Variants in SPAG16 observed in about 807,000 individuals in gnomAD.
The protein encoded by SPAG16 is sperm-associated antigen 16 protein.
SPAG16 carries 86 observed loss-of-function variants against 80.4 expected under a neutral mutation model. The observed-to-expected ratio is 1.07, with a 90% CI of 0.90 to 1.28. The LOEUF is 1.28. Ranked by LOEUF, SPAG16 falls within the 50% of genes most tolerant of loss-of-function variation. The probability of loss-of-function intolerance (pLI) is 0.00; values close to 1 mark genes in which losing one functional copy is unlikely to be tolerated. For missense variants in SPAG16, 870 were observed against 765.3 expected (o/e 1.14, Z -1.61); for synonymous variants, 294 against 265.9 (o/e 1.11, Z -1.03).
chr2:214,038,931 C>A (rs933191509), intron 13 of SPAG16, among the ~76,000 whole-genome samples: 32 of 152,104 alleles, frequency 2.1e-4, no homozygotes, highest in African/African-American at 7.0e-4. Flanking sequence ...TTTTCTTAAT[C>A]CAGTCTATCA....
intron 12 of SPAG16, among the ~76,000 whole-genome samples, chr2:214,013,037 A>T (rs1321113666): frequency 6.6e-6 from 1 of 152,162 alleles, no homozygotes; most frequent in Non-Finnish European, 1.5e-5. Flanking sequence ...AAAAAATTTT[A>T]AAAACCACTG....
intron 1 of SPAG16, 145 bp downstream of exon 1, chr2:213,284,764 C>G: frequency 1.7e-6 from 2 of 1,171,062 alleles, no homozygotes; most frequent in Non-Finnish European, 2.3e-6. Flanking sequence ...GCTGTTTTTG[C>G]CACCACAGTC....
intron 10 of SPAG16, among the ~76,000 whole-genome samples, chr2:213,718,163 A>AAG (rs2066326266): frequency 6.6e-6 from 1 of 151,016 alleles, no homozygotes; most frequent in South Asian, 2.1e-4. Flanking sequence ...AAAAAAAAAA[A>AAG]AAAAAAGAAA....
intron 9 of SPAG16, among the ~76,000 whole-genome samples, chr2:213,470,453 G>A (rs759614722): frequency 1.3e-5 from 2 of 152,304 alleles, no homozygotes; most frequent in African/African-American, 2.4e-5. Flanking sequence ...GAGTAAGTGT[G>A]TATTCCACTG....
At chr2:214,033,294 T>A (rs4672702) in intron 13 of SPAG16, among the ~76,000 whole-genome samples, 145,523 of 152,294 alleles carry the variant, frequency 0.96, 69,713 homozygotes, top group Non-Finnish European at 0.99. Flanking sequence ...TTGCTTGAGA[T>A]ATTTATAGTT....
At chr2:214,061,204 G>A (rs2050240260) in intron 13 of SPAG16, among the ~76,000 whole-genome samples, 1 of 152,122 alleles carries the variant, frequency 6.6e-6, no homozygotes, top group South Asian at 2.1e-4. Flanking sequence ...CATAAAGCTT[G>A]GAAAGAACAT....
chr2:214,075,827 CTAAAG>C (rs921929825), intron 13 of SPAG16, among the ~76,000 whole-genome samples: 2 of 152,200 alleles, frequency 1.3e-5, no homozygotes, highest in African/African-American at 4.8e-5. Context: ...ATTCTTATAT[CTAAAG>C]TAAGGATGAA....
intron 11 of SPAG16, among the ~76,000 whole-genome samples, chr2:213,896,599 C>T (rs754577459): frequency 0.22 from 31,304 of 141,980 alleles, 4,504 homozygotes; most frequent in South Asian, 0.35. Context: ...CACGCACACA[C>T]ACACACACAC....
At chr2:213,362,208 A>C (rs189265796) in intron 7 of SPAG16, among the ~76,000 whole-genome samples, 91 of 152,348 alleles carry the variant, frequency 6.0e-4, no homozygotes, top group African/African-American at 2.0e-3. Flanking sequence ...CTTCTGAAAC[A>C]ATTTGAGCAA....
At chr2:213,505,274 G>T (rs1240311790) in intron 10 of SPAG16, among the ~76,000 whole-genome samples, 1 of 152,094 alleles carries the variant, frequency 6.6e-6, no homozygotes, top group Non-Finnish European at 1.5e-5. Flanking sequence ...ACTAGCTGCA[G>T]TTGAAATGAA....
At chr2:213,409,053 G>C (rs2068816568) in intron 9 of SPAG16, among the ~76,000 whole-genome samples, 1 of 151,656 alleles carries the variant, frequency 6.6e-6, no homozygotes, top group Admixed American at 6.6e-5. Flanking sequence ...AAAAAGTGGG[G>C]TGGGAGAATT....
At chr2:213,771,459 A>G (rs1471447104) in intron 10 of SPAG16, among the ~76,000 whole-genome samples, 1 of 152,044 alleles carries the variant, frequency 6.6e-6, no homozygotes, top group African/African-American at 2.4e-5. Context: ...TTTTTTAATT[A>G]GATCCCATTT....
intron 12 of SPAG16, among the ~76,000 whole-genome samples, chr2:213,983,052 T>C (rs1461427121): frequency 6.6e-6 from 1 of 151,980 alleles, no homozygotes; most frequent in Non-Finnish European, 1.5e-5. Context: ...TTCAATACTT[T>C]TGGGAGCAAT....
At chr2:214,204,368 A>C (rs559416609) in intron 15 of SPAG16, among the ~76,000 whole-genome samples, 1 of 152,306 alleles carries the variant, frequency 6.6e-6, no homozygotes, top group Non-Finnish European at 1.5e-5. Context: ...CTGAAAGCCA[A>C]CCAACACAAA....
rs1319857187 is a variant in SPAG16 at position 213,865,925 on chromosome 2, A to G, written c.1214+3297A>G. Among the ~76,000 whole-genome samples the G allele has an allele frequency of 2.7e-5, 4 of 145,656 alleles. No individual in the cohort carries two copies. In the East Asian group the frequency reaches 7.8e-4, roughly 28 times the overall value. Reference sequence around the variant, plus strand: ...TACTATATACACAGAAACTTATATTATATATATATACTATATATATATGTG... The same window carrying G: ...TACTATATACACAGAAACTTATATTGTATATATATACTATATATATATGTG... On this transcript the variant is annotated intron_variant, in intron 11 of 15. Transcript: ENST00000331683.
chr2:213,495,289 T>A (rs2074433254), intron 10 of SPAG16, among the ~76,000 whole-genome samples: 1 of 152,268 alleles, frequency 6.6e-6, no homozygotes, highest in African/African-American at 2.4e-5. Context: ...GATTCACTGT[T>A]GACTTTGAAA....
intron 10 of SPAG16, among the ~76,000 whole-genome samples, chr2:213,712,591 G>A (rs1427660866): frequency 2.0e-5 from 3 of 152,134 alleles, no homozygotes; most frequent in Admixed American, 1.3e-4. Context: ...TCTGGTATTT[G>A]AAAGATATAA....
chr2:213,308,820 G>T (rs2063060641), intron 3 of SPAG16, among the ~76,000 whole-genome samples: 2 of 152,082 alleles, frequency 1.3e-5, no homozygotes, highest in African/African-American at 4.8e-5. Context: ...TGAAGAAGCA[G>T]AAGTTGCAGC....
chr2:213,975,084 A>G (rs1269340608), intron 12 of SPAG16, among the ~76,000 whole-genome samples: 3 of 151,416 alleles, frequency 2.0e-5, no homozygotes, highest in Non-Finnish European at 4.4e-5. Context: ...TAGACTTTAA[A>G]TATAATTAAT....
Sources: gnomAD v4.1 joint callset for allele counts (sites outside exome capture counted in the v4.1 genomes callset) on GRCh38, gnomAD v4.1.1 for gene constraint, MANE v1.5 for transcripts, NCBI Gene and HGNC (gene_info 2026-07-23, HGNC 2026-07-21) for gene names.